ZNF407: variants seen among roughly 807,000 people sequenced by gnomAD.
ZNF407 encodes zinc finger protein 407.
Under a neutral mutation model 131.2 loss-of-function variants are expected in ZNF407, and 17 were observed. That is an observed-to-expected ratio of 0.13 (90% CI 0.09 to 0.19). The LOEUF (loss-of-function observed/expected upper bound fraction) is 0.19, where lower values mean the gene tolerates loss of function less well. ZNF407 is among the 10% of genes least tolerant of loss of function. The pLI is 1.00. For synonymous variants in ZNF407, 1,156 were observed against 1,062.0 expected (o/e 1.09, Z -1.72); for missense variants, 2,681 against 2,830.6 (o/e 0.95, Z 1.20).
intron 3 of ZNF407, among the ~76,000 whole-genome samples, chr18:74,685,685 G>T (rs1391236996): frequency 1.3e-5 from 2 of 152,192 alleles, no homozygotes; most frequent in African/African-American, 4.8e-5. Flanking sequence ...TGTGGCGCAT[G>T]CTCTCTCCTT....
At position 74,982,973 on chromosome 18, in the gene ZNF407, T is replaced by C. The variant is rs966017697; in HGVS notation, c.5428+62281T>C. ...GTTGTCTGAAAAAAAATTTTTTTCC[T>C]TTTATCATCATTTAATTTTCCTAAT... is the stretch of plus-strand genomic sequence containing the variant. On this transcript the variant is annotated intron_variant, in intron 8 of 8. Coordinates refer to ENST00000299687, the MANE Select transcript of ZNF407 (RefSeq NM_017757.3). Among the ~76,000 whole-genome samples, 10 of 152,200 alleles carry C rather than the reference T, an allele frequency of 6.6e-5. No individual in the cohort carries two copies. In the East Asian group the frequency reaches 1.9e-3, roughly 29 times the overall value.
At chr18:75,029,448 A>G (rs942951403) in intron 8 of ZNF407, among the ~76,000 whole-genome samples, 2 of 152,216 alleles carry the variant, frequency 1.3e-5, no homozygotes, top group African/African-American at 4.8e-5. Context: ...CCACTAAGGA[A>G]GTGCTAGTAG....
chr18:74,902,900 T>C (rs901145785), intron 7 of ZNF407, among the ~76,000 whole-genome samples: 10 of 152,182 alleles, frequency 6.6e-5, no homozygotes, highest in Non-Finnish European at 1.5e-4. Context: ...TCTTATCATA[T>C]GTTGCACCTT....
chr18:74,717,115 G>C (rs968674702), intron 3 of ZNF407, among the ~76,000 whole-genome samples: 1 of 152,250 alleles, frequency 6.6e-6, no homozygotes, highest in East Asian at 1.9e-4. Context: ...GTATCTTTTA[G>C]CATTTTCAGA....
At chr18:74,764,119 C>CT (rs1472531508) in intron 3 of ZNF407, among the ~76,000 whole-genome samples, 2 of 151,548 alleles carry the variant, frequency 1.3e-5, no homozygotes, top group African/African-American at 4.9e-5. Flanking sequence ...ATTCGTTGAC[C>CT]TTTTTTGATT....
intron 8 of ZNF407, among the ~76,000 whole-genome samples, chr18:74,974,977 T>C (rs12326517): frequency 0.23 from 34,592 of 152,212 alleles, 5,190 homozygotes; most frequent in African/African-American, 0.41. Flanking sequence ...GATTTTTATG[T>C]ACACTGTATA....
At chr18:74,870,095 G>C (rs555737348) in intron 4 of ZNF407, among the ~76,000 whole-genome samples, 4 of 152,112 alleles carry the variant, frequency 2.6e-5, no homozygotes, top group Non-Finnish European at 5.9e-5. Flanking sequence ...TCATTCTCTT[G>C]GTTCTTAGTA....
At chr18:74,710,139 G>A (rs1413395294) in intron 3 of ZNF407, among the ~76,000 whole-genome samples, 1 of 152,110 alleles carries the variant, frequency 6.6e-6, no homozygotes, top group Non-Finnish European at 1.5e-5. Flanking sequence ...AATGATGGCA[G>A]ATAAATTTAG....
At chr18:74,695,723 G>A (rs546901479) in intron 3 of ZNF407, among the ~76,000 whole-genome samples, 69 of 152,146 alleles carry the variant, frequency 4.5e-4, no homozygotes, top group Admixed American at 9.2e-4. Context: ...TAGCCTTCAC[G>A]AAAACACACT....
At chr18:74,617,188 C>T (rs892071668) in intron 1 of ZNF407, among the ~76,000 whole-genome samples, 1 of 140,152 alleles carries the variant, frequency 7.1e-6, no homozygotes, top group East Asian at 2.1e-4. Context: ...CCACACACAT[C>T]GACACACTTT....
intron 3 of ZNF407, among the ~76,000 whole-genome samples, chr18:74,674,230 C>T (rs1986264571): frequency 6.6e-6 from 1 of 152,184 alleles, no homozygotes. Context: ...TCCGCTGAAA[C>T]CAGTGCTGTG....
At chr18:74,918,578 G>A (rs1352377565) in intron 7 of ZNF407, among the ~76,000 whole-genome samples, 2 of 152,154 alleles carry the variant, frequency 1.3e-5, no homozygotes, top group South Asian at 2.1e-4. Context: ...AAAGAAGCTT[G>A]TGTGCATACA....
At chr18:74,783,366 T>G (rs1969643773) in intron 4 of ZNF407, among the ~76,000 whole-genome samples, 1 of 152,192 alleles carries the variant, frequency 6.6e-6, no homozygotes, top group South Asian at 2.1e-4. Flanking sequence ...TATTTTTAAT[T>G]TAACTACATC....
intron 3 of ZNF407, among the ~76,000 whole-genome samples, chr18:74,763,855 G>A (rs1396511652): frequency 6.0e-5 from 9 of 150,484 alleles, no homozygotes; most frequent in East Asian, 1.9e-4. Context: ...GACTACAGGC[G>A]CCCGCTACCA....
chr18:74,795,247 C>G (rs899291542), intron 4 of ZNF407, among the ~76,000 whole-genome samples: 1 of 151,996 alleles, frequency 6.6e-6, no homozygotes, highest in Admixed American at 6.6e-5. Context: ...GGGCCGTTGG[C>G]AAAATAAACT....
intron 7 of ZNF407, among the ~76,000 whole-genome samples, chr18:74,917,304 A>G (rs992711646): frequency 6.6e-6 from 1 of 152,174 alleles, no homozygotes; most frequent in African/African-American, 2.4e-5. Context: ...ATATGTTTAA[A>G]ACATAAAATT....
At chr18:75,050,333 C>T (rs1199608077) in intron 8 of ZNF407, among the ~76,000 whole-genome samples, 1 of 152,070 alleles carries the variant, frequency 6.6e-6, no homozygotes, top group Non-Finnish European at 1.5e-5. Flanking sequence ...ATTAAGAAAA[C>T]AAGATTTAAT....
chr18:74,997,039 A>C (rs1972787499), intron 8 of ZNF407, among the ~76,000 whole-genome samples: 1 of 152,250 alleles, frequency 6.6e-6, no homozygotes, highest in South Asian at 2.1e-4. Flanking sequence ...CTGTCATAAA[A>C]TTAAAGAAAA....
chr18:74,856,653 A>G (rs1223352696), intron 4 of ZNF407, among the ~76,000 whole-genome samples: 1 of 152,196 alleles, frequency 6.6e-6, no homozygotes, highest in Non-Finnish European at 1.5e-5. Context: ...TCTGACTCCA[A>G]AACACAGAGG....
Sources: allele counts gnomAD v4.1 joint callset (sites outside exome capture counted in the v4.1 genomes callset), GRCh38; gene constraint gnomAD v4.1.1; transcripts MANE v1.5; gene names NCBI Gene and HGNC (gene_info 2026-07-23, HGNC 2026-07-21).